ITPRID1: variants seen among roughly 807,000 people sequenced by gnomAD.
ITPRID1 encodes ITPR interacting domain containing 1.
ITPRID1 carries 96 observed loss-of-function variants against 95.4 expected under a neutral mutation model. That is an observed-to-expected ratio of 1.01 (90% CI 0.85 to 1.19). ITPRID1 has a LOEUF of 1.19. Among genes scored for constraint, ITPRID1 ranks in the 50% most tolerant of loss-of-function variants. The probability of loss-of-function intolerance (pLI) is 0.00; values close to 1 mark genes in which losing one functional copy is unlikely to be tolerated. For missense variants in ITPRID1, 1,339 were observed against 1,252.9 expected (o/e 1.07, Z -1.04); for synonymous variants, 510 against 453.6 (o/e 1.12, Z -1.58).
chr7:31,570,064 C>T (rs1178349005), intron 6 of ITPRID1, among the ~76,000 whole-genome samples: 1 of 152,158 alleles, frequency 6.6e-6, no homozygotes, highest in Non-Finnish European at 1.5e-5. Context: ...ACAACATATG[C>T]ATAAATGACA....
chr7:31,580,467 G>A (rs1394288134), intron 9 of ITPRID1, among the ~76,000 whole-genome samples: 1 of 152,030 alleles, frequency 6.6e-6, no homozygotes, highest in African/African-American at 2.4e-5. Flanking sequence ...TTCCTAGTAA[G>A]CCATCGAAAT....
chr7:31,642,759 A>G lies in ITPRID1; in HGVS notation c.1389A>G (p.Val463=), dbSNP rs780962248. 3.1e-6 allele frequency: 5 copies of G among 1,614,010 alleles called. No individual in the cohort carries two copies. Among genetic ancestry groups the G allele is most frequent in the Non-Finnish European group, 4.2e-6 (5 of 1,179,878 alleles). Reference sequence around the variant, plus strand: ...CAAGAGATCAGAGCCACAGCTTAGTATCATCCCAGGACTGTCAGCTAGAGT... The same window carrying G: ...CAAGAGATCAGAGCCACAGCTTAGTGTCATCCCAGGACTGTCAGCTAGAGT... ...RKPRDQSHSL[V]SSQDCQLESD... is the part of the protein sequence containing the mutation. The change falls in exon 12 of 15, where the codon GTA becomes GTG. Residue 463 remains valine (V), a synonymous_variant. Transcript: ENST00000615280.
At chr7:31,552,753 C>A (rs554727818) in intron 2 of ITPRID1, among the ~76,000 whole-genome samples, 1 of 152,170 alleles carries the variant, frequency 6.6e-6, no homozygotes, top group Non-Finnish European at 1.5e-5. Context: ...GTGCAGAGTG[C>A]GCATGTGGTC....
intron 10 of ITPRID1, among the ~76,000 whole-genome samples, chr7:31,609,805 A>C (rs775806975): frequency 1.0e-4 from 15 of 150,698 alleles, no homozygotes; most frequent in Admixed American, 6.6e-5. Flanking sequence ...TCCAATCTTT[A>C]TTATTTTTTT....
At chr7:31,572,307 C>G in intron 7 of ITPRID1, 119 bp downstream of exon 7, 1 of 625,910 alleles carries the variant, frequency 1.6e-6, no homozygotes, top group Non-Finnish European at 2.8e-6. Flanking sequence ...AAAAGATTTT[C>G]AAACCCCATC....
At chr7:31,564,951 A>G (rs912791804) in intron 5 of ITPRID1, among the ~76,000 whole-genome samples, 4 of 152,200 alleles carry the variant, frequency 2.6e-5, no homozygotes, top group Admixed American at 6.5e-5. Context: ...ATTCAAGTTC[A>G]TTATTAAGAA....
At chr7:31,600,478 TG>T (rs1174887853) in intron 10 of ITPRID1, among the ~76,000 whole-genome samples, 1 of 152,198 alleles carries the variant, frequency 6.6e-6, no homozygotes, top group African/African-American at 2.4e-5. Context: ...CATCACATAG[TG>T]GTTTAAAGGC....
chr7:31,596,631 AT>A (rs1786099175), intron 10 of ITPRID1, among the ~76,000 whole-genome samples: 1 of 151,742 alleles, frequency 6.6e-6, no homozygotes, highest in Non-Finnish European at 1.5e-5. Flanking sequence ...TTTTAAAAAA[AT>A]GTGTGCATAA....
intron 10 of ITPRID1, among the ~76,000 whole-genome samples, chr7:31,627,638 C>A (rs1170524931): frequency 9.4e-6 from 1 of 106,042 alleles, no homozygotes; most frequent in South Asian, 3.2e-4. Flanking sequence ...CCAGCCTGAG[C>A]AACAGAGCAA....
chr7:31,635,945 T>TA (rs965437081), intron 10 of ITPRID1, among the ~76,000 whole-genome samples: 14 of 152,206 alleles, frequency 9.2e-5, no homozygotes, highest in African/African-American at 2.9e-4. Flanking sequence ...TAATTTTTTT[T>TA]AAAAAAAGAA....
intron 9 of ITPRID1, among the ~76,000 whole-genome samples, chr7:31,580,252 C>T (rs538540845): frequency 1.3e-5 from 2 of 148,234 alleles, no homozygotes; most frequent in East Asian, 2.0e-4. Context: ...GAGCCGAGAT[C>T]GCACCACTGC....
rs1784473168 is a variant in ITPRID1, at chr7:31,557,092, G to A, written c.256+2191G>A. Among the ~76,000 whole-genome samples the A allele has an allele frequency of 3.3e-5, 5 of 151,790 alleles. No homozygotes were observed. In the South Asian group the frequency reaches 1.0e-3, roughly 32 times the overall value. Reference sequence around the variant, plus strand: ...CCTCTTATAAAGACACCAGTCATTGGATTAAGGATCCTATGTAATCCAGTA... The same window carrying A: ...CCTCTTATAAAGACACCAGTCATTGAATTAAGGATCCTATGTAATCCAGTA... On this transcript the variant is annotated intron_variant, in intron 5 of 14. Transcript: ENST00000615280.
chr7:31,628,602 C>G (rs1788701862), intron 10 of ITPRID1, among the ~76,000 whole-genome samples: 1 of 152,040 alleles, frequency 6.6e-6, no homozygotes, highest in Non-Finnish European at 1.5e-5. Flanking sequence ...GGACTACAGG[C>G]GCCCGCCACC....
chr7:31,615,979 C>T (rs183022195), intron 10 of ITPRID1, among the ~76,000 whole-genome samples: 1 of 151,978 alleles, frequency 6.6e-6, no homozygotes, highest in Non-Finnish European at 1.5e-5. Context: ...TCCTGACCTC[C>T]TGATCTGCCC....
chr7:31,652,589 A>G lies in ITPRID1; in HGVS notation c.2895A>G (p.Glu965=). ...SNLHQYNWIE[E]SNGQTSCSKI... ...TGCATCAATATAACTGGATAGAAGA[A>G]AGCAATGGGCAGACTTCATGTTCTA... Residue 965 remains glutamate (E), a synonymous_variant, in exon 15 of 15, where the codon GAA becomes GAG. Coordinates refer to ENST00000615280, the MANE Select transcript of ITPRID1 (RefSeq NM_001257967.3). 1 of 1,612,756 alleles carries G rather than the reference A, an allele frequency of 6.2e-7. No homozygotes were observed. The highest frequency in any genetic ancestry group is 1.1e-5 in the South Asian group (1 of 90,820).
chr7:31,627,044 G>A (rs918806730), intron 10 of ITPRID1, among the ~76,000 whole-genome samples: 5 of 152,200 alleles, frequency 3.3e-5, no homozygotes, highest in African/African-American at 9.6e-5. Flanking sequence ...GTGTTCTGGA[G>A]TATTTCTTAT....
intron 10 of ITPRID1, among the ~76,000 whole-genome samples, chr7:31,641,069 C>T (rs912465095): frequency 1.3e-5 from 2 of 152,130 alleles, no homozygotes; most frequent in South Asian, 2.1e-4. Context: ...GCTGTCTTTG[C>T]TCAGACACAT....
At chr7:31,522,556 A>G (rs1183855643) in intron 1 of ITPRID1, among the ~76,000 whole-genome samples, 4 of 152,098 alleles carry the variant, frequency 2.6e-5, no homozygotes, top group Admixed American at 2.6e-4. Context: ...GCAAGTCCAT[A>G]TTACTCAAAG....
chr7:31,548,958 G>A (rs1165324607), intron 1 of ITPRID1, among the ~76,000 whole-genome samples: 21 of 152,124 alleles, frequency 1.4e-4, no homozygotes, highest in Admixed American at 1.3e-3. Flanking sequence ...GAAGTAGGGA[G>A]GGGAACAAGG....
Sources: gnomAD v4.1 joint callset for allele counts (sites outside exome capture counted in the v4.1 genomes callset) on GRCh38, gnomAD v4.1.1 for gene constraint, MANE v1.5 for transcripts, NCBI Gene and HGNC (gene_info 2026-07-23, HGNC 2026-07-21) for gene names.